DCDC2: variants seen among roughly 807,000 people sequenced by gnomAD.
DCDC2 encodes doublecortin domain-containing protein 2.
Under a neutral mutation model 50.2 loss-of-function variants are expected in DCDC2, and 40 were observed. That is an observed-to-expected ratio of 0.80 (90% CI 0.62 to 1.04). The LOEUF is 1.04. Ranked by LOEUF, DCDC2 falls within the 50% of genes least tolerant of loss-of-function variation. DCDC2 has a pLI of 0.00. For missense variants in DCDC2, 570 were observed against 581.9 expected (o/e 0.98, Z 0.21); for synonymous variants, 234 against 210.6 (o/e 1.11, Z -0.96).
At chr6:24,366,306 C>T in the DCDC2 span, among the ~76,000 whole-genome samples, 2 of 152,020 alleles carry the variant, frequency 1.3e-5, no homozygotes, top group Admixed American at 6.6e-5. Flanking sequence ...AACCAAATAC[C>T]GTATTTCTCC....
At chr6:24,249,132 T>C (rs1341949635) in intron 7 of DCDC2, among the ~76,000 whole-genome samples, 1 of 146,704 alleles carries the variant, frequency 6.8e-6, no homozygotes, top group Non-Finnish European at 1.5e-5. Context: ...CTAAAGTGAC[T>C]CACTTAATAC....
At chr6:24,294,925 C>A (rs187742927) in intron 4 of DCDC2, among the ~76,000 whole-genome samples, 147 of 152,150 alleles carry the variant, frequency 9.7e-4, no homozygotes, top group Non-Finnish European at 1.1e-3. Flanking sequence ...TGAAACTATT[C>A]CAAAAAATTG....
At chr6:24,315,964 C>G (rs1461295773) in intron 2 of DCDC2, among the ~76,000 whole-genome samples, 3 of 152,078 alleles carry the variant, frequency 2.0e-5, no homozygotes, top group Non-Finnish European at 4.4e-5. Flanking sequence ...GTGGGTGAAG[C>G]CTAGATACAT....
At chr6:24,203,331 G>A (rs5937432) in intron 8 of DCDC2, among the ~76,000 whole-genome samples, 4 of 151,974 alleles carry the variant, frequency 2.6e-5, no homozygotes, top group African/African-American at 4.8e-5. Context: ...AAATAACATC[G>A]CACATCTACA....
intron 6 of DCDC2, among the ~76,000 whole-genome samples, chr6:24,283,495 G>A (rs763471411): frequency 6.6e-6 from 1 of 151,636 alleles, no homozygotes; most frequent in African/African-American, 2.4e-5. Context: ...ATGCAAAAGA[G>A]CAATTCCTAG....
chr6:24,362,246 G>A (rs940285886), upstream of DCDC2, among the ~76,000 whole-genome samples: 1 of 146,640 alleles, frequency 6.8e-6, no homozygotes, highest in Non-Finnish European at 1.5e-5. Flanking sequence ...TTATTTAATT[G>A]TATATTTATA....
At chr6:24,313,622 C>T (rs1759610885) in intron 2 of DCDC2, among the ~76,000 whole-genome samples, 1 of 152,276 alleles carries the variant, frequency 6.6e-6, no homozygotes, top group African/African-American at 2.4e-5. Flanking sequence ...GAGTATGCAG[C>T]GGGCAGCCCG....
the DCDC2 span, among the ~76,000 whole-genome samples, chr6:24,367,529 T>G: frequency 6.6e-6 from 1 of 152,268 alleles, no homozygotes; most frequent in South Asian, 2.1e-4. Flanking sequence ...AATTTCATCC[T>G]GATGCTTCAT....
chr6:24,348,605 G>T (rs1416137607), intron 2 of DCDC2, among the ~76,000 whole-genome samples: 1 of 152,172 alleles, frequency 6.6e-6, no homozygotes, highest in East Asian at 1.9e-4. Context: ...GACTCTTACA[G>T]ATATAATTAT....
Position 24,211,255 on chromosome 6 carries a change from A to T in DCDC2, c.923-6153T>A, listed in dbSNP as rs186289133. On this transcript the variant is annotated intron_variant, in intron 7 of 9. Coordinates refer to ENST00000378454, the MANE Select transcript of DCDC2 (RefSeq NM_016356.5). ...GTGCATTAATTCTTCATGTTCTTAC[A>T]GGGTGTTGCCCCAATCTGGCTACAC... 8.1e-4 allele frequency among the ~76,000 whole-genome samples: 124 copies of T among 152,348 alleles called. 3 individuals carry two copies. Among genetic ancestry groups the T allele is most frequent in the Admixed American group, 7.3e-3 (112 of 15,306 alleles).
intron 1 of DCDC2, among the ~76,000 whole-genome samples, chr6:24,354,778 G>A (rs1581667998): frequency 6.6e-6 from 1 of 152,134 alleles, no homozygotes; most frequent in Non-Finnish European, 1.5e-5. Context: ...ATCCTCTGCT[G>A]TAAAATAAAG....
chr6:24,237,061 C>T (rs1087287), intron 7 of DCDC2, among the ~76,000 whole-genome samples: 1 of 151,482 alleles, frequency 6.6e-6, no homozygotes, highest in Non-Finnish European at 1.5e-5. Flanking sequence ...CTCACCAAAA[C>T]AAACTATATA....
chr6:24,373,716 C>A, the DCDC2 span, among the ~76,000 whole-genome samples: 461 of 152,216 alleles, frequency 3.0e-3, 3 homozygotes, highest in South Asian at 0.016. Context: ...GGGAGTGGTA[C>A]GTCTTTGTAT....
intron 5 of DCDC2, among the ~76,000 whole-genome samples, chr6:24,290,598 A>G (rs571430516): frequency 7.9e-5 from 12 of 152,184 alleles, no homozygotes; most frequent in Non-Finnish European, 1.2e-4. Context: ...CTATTAAGAC[A>G]CAAAAACTTC....
chr6:24,329,240 T>C (rs1371162969), intron 2 of DCDC2, among the ~76,000 whole-genome samples: 1 of 152,180 alleles, frequency 6.6e-6, no homozygotes, highest in Non-Finnish European at 1.5e-5. Flanking sequence ...CAAAGAGGTA[T>C]GCACACAAAA....
intron 7 of DCDC2, among the ~76,000 whole-genome samples, chr6:24,270,197 G>C (rs888814009): frequency 3.9e-5 from 6 of 152,156 alleles, no homozygotes; most frequent in African/African-American, 1.4e-4. Flanking sequence ...CTATGTGTCA[G>C]TCTGGCAATT....
Position 24,357,708 on chromosome 6 carries a change from C to G in DCDC2, c.43G>C (p.Val15Leu). 1 of 1,612,824 alleles carries G rather than the reference C, an allele frequency of 6.2e-7. No individual in the cohort carries two copies. Among genetic ancestry groups the G allele is most frequent in the African/African-American group, 1.3e-5 (1 of 75,066 alleles). The change falls in exon 1 of 10, where the codon GTC (valine) becomes CTC (leucine). Residue 15 changes from valine (V) to leucine (L), a missense_variant. Transcript: ENST00000378454. ...SARSSHLSQP[V>L]VKSVLVYRNG... ...CGGTACACAAGCACGCTCTTCACGACGGGCTGAGACAGGTGGCTGGACCTG... is the reference window on the plus strand; with the variant it reads ...CGGTACACAAGCACGCTCTTCACGAGGGGCTGAGACAGGTGGCTGGACCTG...
the DCDC2 span, among the ~76,000 whole-genome samples, chr6:24,363,123 C>T: frequency 2.0e-5 from 3 of 152,200 alleles, no homozygotes; most frequent in African/African-American, 4.8e-5. Flanking sequence ...TTAGCTTCTT[C>T]CTAAGTATAT....
chr6:24,297,128 A>T (rs1353152066), intron 4 of DCDC2, among the ~76,000 whole-genome samples: 1 of 148,396 alleles, frequency 6.7e-6, no homozygotes, highest in African/African-American at 2.5e-5. Context: ...AATACTATGC[A>T]GCCATAAAAA....
Sources: allele counts gnomAD v4.1 joint callset (sites outside exome capture counted in the v4.1 genomes callset), GRCh38; gene constraint gnomAD v4.1.1; transcripts MANE v1.5; gene names NCBI Gene and HGNC (gene_info 2026-07-23, HGNC 2026-07-21).